The following CNGA1 variants were observed in gnomAD, a reference collection of about 807,000 sequenced individuals.
The protein encoded by CNGA1 is cyclic nucleotide gated channel subunit alpha 1.
Under a neutral mutation model 69.7 loss-of-function variants are expected in CNGA1, and 53 were observed. That is an observed-to-expected ratio of 0.76 (90% CI 0.61 to 0.96). The LOEUF is 0.96. Among genes scored for constraint, CNGA1 ranks in the 40% least tolerant of loss-of-function variants. CNGA1 has a pLI of 0.00. For synonymous variants in CNGA1, 249 were observed against 283.5 expected, an observed-to-expected ratio of 0.88 and a Z score of 1.22; for missense variants, 739 against 811.2, an observed-to-expected ratio of 0.91 and a Z score of 1.08.
intron 8 of CNGA1, among the ~76,000 whole-genome samples, chr4:47,942,701 G>T (rs561533198): frequency 1.1e-4 from 17 of 152,310 alleles, no homozygotes; most frequent in Non-Finnish European, 2.4e-4. Flanking sequence ...CCTCCTGTCA[G>T]ATCAGCAGTG....
intron 6 of CNGA1, among the ~76,000 whole-genome samples, chr4:47,948,395 G>A (rs1739541429): frequency 6.6e-6 from 1 of 152,174 alleles, no homozygotes; most frequent in Non-Finnish European, 1.5e-5. Flanking sequence ...TCATTGTATG[G>A]TTCTCTATGC....
chr4:47,976,178 CATATATATATACAT>C (rs1741355703), intron 3 of CNGA1, among the ~76,000 whole-genome samples: 1 of 50,112 alleles, frequency 2.0e-5, no homozygotes, highest in African/African-American at 9.8e-5. Context: ...TATACACATA[CATATATATATACAT>C]ATATATGTAT....
intron 3 of CNGA1, chr4:47,971,124 C>T: frequency 4.4e-6 from 2 of 452,574 alleles, no homozygotes; most frequent in South Asian, 3.1e-5. Context: ...ATACAGTATG[C>T]TACCATTTGT....
chr4:47,937,588 G>T lies in CNGA1; in HGVS notation c.894C>A (p.Asn298Lys), dbSNP rs1328717158. Residue 298 changes from asparagine to lysine, a missense_variant, in exon 11 of 11, where the codon AAC (asparagine) becomes AAA (lysine). By Grantham distance (94) the Asn-to-Lys change is moderately conservative. Transcript: ENST00000514170. ...TAATGATGACGATATACATAACAAG[G>T]TTGGAAATCCTGAAGATGTTTGGAT... ...TNYPNIFRIS[N>K]LVMYIVIIIH... The T allele has an allele frequency of 5.0e-6, 8 of 1,614,100 alleles. No individual in the cohort carries two copies. Among genetic ancestry groups the T allele is most frequent in the East Asian group, 2.2e-5 (1 of 44,862 alleles).
intron 2 of CNGA1, among the ~76,000 whole-genome samples, chr4:47,990,622 C>T (rs1214605920): frequency 5.3e-5 from 8 of 152,130 alleles, no homozygotes; most frequent in African/African-American, 1.9e-4. Flanking sequence ...CCTGTTTGTA[C>T]ACCCCCTCCC....
At chr4:47,975,845 C>T (rs2066757942) in intron 3 of CNGA1, among the ~76,000 whole-genome samples, 1 of 151,816 alleles carries the variant, frequency 6.6e-6, no homozygotes, top group South Asian at 2.1e-4. Flanking sequence ...GGTTGGAGAC[C>T]TTAATGTGTT....
intron 6 of CNGA1, among the ~76,000 whole-genome samples, chr4:47,946,447 A>G (rs992250788): frequency 3.9e-5 from 6 of 152,062 alleles, no homozygotes; most frequent in African/African-American, 1.2e-4. Context: ...AACTGTACAC[A>G]CCTACACTCT....
intron 2 of CNGA1, among the ~76,000 whole-genome samples, chr4:48,009,256 G>A (rs952636343): frequency 1.1e-4 from 16 of 152,038 alleles, no homozygotes; most frequent in Admixed American, 6.5e-5. Flanking sequence ...CATGAGGTCA[G>A]GAGATCGAGA....
intron 3 of CNGA1, among the ~76,000 whole-genome samples, chr4:47,976,315 A>G (rs1451777474): frequency 2.3e-4 from 8 of 35,350 alleles, no homozygotes; most frequent in South Asian, 8.6e-4. Flanking sequence ...ATATATATAC[A>G]TATATATGTA....
intron 3 of CNGA1, among the ~76,000 whole-genome samples, 171 bp downstream of exon 3, chr4:47,981,222 C>A (rs1741694115): frequency 6.6e-6 from 1 of 152,108 alleles, no homozygotes; most frequent in South Asian, 2.1e-4. Flanking sequence ...GTAGAGTATT[C>A]ACTTATCTGT....
chr4:47,968,461 C>G (rs1370793993), intron 3 of CNGA1, among the ~76,000 whole-genome samples: 4 of 151,856 alleles, frequency 2.6e-5, no homozygotes, highest in Non-Finnish European at 5.9e-5. Context: ...CAGAAATCAG[C>G]CAATCAGAAA....
rs186362269 is a variant in CNGA1 at position 47,982,305 on chromosome 4, T to C, written c.-122-805A>G. ...ATCATGCATTCTCCAGTATTTGCAA[T>C]ATTTTTCTTGCTGAACAATGAACAA... On this transcript the variant is annotated intron_variant, in intron 2 of 10. Transcript: ENST00000514170. Among the ~76,000 whole-genome samples, 7 of 152,232 alleles carry C rather than the reference T, an allele frequency of 4.6e-5. No homozygotes were observed. The South Asian group carries it at 6.2e-4, about 13-fold the overall frequency.
In CNGA1 at chr4:47,942,421, G is replaced by C. The variant is rs1739142467; in HGVS notation, c.438-273C>G. On this transcript the variant is annotated intron_variant, in intron 8 of 10. Coordinates refer to ENST00000514170, the MANE Select transcript of CNGA1 (RefSeq NM_001379270.1). ...GTTTTATTAAGCTAAATGTTAAAGA[G>C]ATGTGTAAAAATGTAAAACAATGCC... Among the ~76,000 whole-genome samples, 3 of 148,722 alleles carry C rather than the reference G, an allele frequency of 2.0e-5. No individual in the cohort carries two copies. In the South Asian group the frequency reaches 6.5e-4, roughly 32 times the overall value.
At chr4:47,998,380 G>T (rs78783330) in intron 2 of CNGA1, among the ~76,000 whole-genome samples, 4 of 152,082 alleles carry the variant, frequency 2.6e-5, no homozygotes, top group African/African-American at 9.7e-5. Flanking sequence ...AACTTCCAAG[G>T]TATTAACAGT....
chr4:48,003,511 G>A (rs901243423), intron 2 of CNGA1, among the ~76,000 whole-genome samples: 6 of 152,078 alleles, frequency 3.9e-5, no homozygotes, highest in East Asian at 3.9e-4. Context: ...CCAAGGACAC[G>A]AGCTGTTCCA....
In CNGA1 at chr4:47,949,837, C is replaced by T. The variant is rs749149075; in HGVS notation, c.283G>A (p.Asp95Asn). ...LFNVNNSSNK[D>N]QEPEEKKKKK... ...TTCTATTGTAAATATACTTACTGGT[C>T]CTTATTGCTGCTGTTGTTCACATTA... The change falls in exon 6 of 11, where the codon GAC becomes AAC. Residue 95 changes from aspartate (D) to asparagine (N), a missense_variant. By Grantham distance (23) the Asp-to-Asn change is conservative. Coordinates refer to ENST00000514170, the MANE Select transcript of CNGA1 (RefSeq NM_001379270.1). 7 of 1,613,690 alleles carry T rather than the reference C, an allele frequency of 4.3e-6. No individual in the cohort carries two copies. Among genetic ancestry groups the T allele is most frequent in the Admixed American group, 1.7e-5 (1 of 60,010 alleles).
chr4:47,943,115 A>T, intron 8 of CNGA1, 66 bp downstream of exon 8: 1 of 1,134,998 alleles, frequency 8.8e-7, no homozygotes, highest in South Asian at 1.3e-5. Flanking sequence ...GTATTATGGA[A>T]AATCATCCCT....
intron 3 of CNGA1, 193 bp from the exon 4 acceptor site, chr4:47,952,896 G>A: frequency 3.0e-6 from 1 of 336,784 alleles, no homozygotes; most frequent in South Asian, 9.9e-5. Flanking sequence ...TCACAATCAT[G>A]GCAGAAAGCA....
intron 10 of CNGA1, among the ~76,000 whole-genome samples, chr4:47,938,381 T>C (rs1310964660): frequency 7.5e-6 from 1 of 133,122 alleles, no homozygotes; most frequent in Non-Finnish European, 1.6e-5. Context: ...TCCTAAGCAA[T>C]ATGGTTACTA....
Sources: gnomAD v4.1 joint callset for allele counts (sites outside exome capture counted in the v4.1 genomes callset) on GRCh38, gnomAD v4.1.1 for gene constraint, MANE v1.5 for transcripts, NCBI Gene and HGNC (gene_info 2026-07-23, HGNC 2026-07-21) for gene names.